PDE7B: variants seen among roughly 807,000 people sequenced by gnomAD.
PDE7B encodes the protein 3',5'-cyclic-AMP phosphodiesterase 7B.
In PDE7B, 29 loss-of-function variants were observed where a neutral mutation model predicts 56.2. That is an observed-to-expected ratio of 0.52 (90% CI 0.38 to 0.70). The LOEUF (loss-of-function observed/expected upper bound fraction) is 0.70. PDE7B is among the 30% of genes least tolerant of loss of function. PDE7B has a pLI of 0.00. For synonymous variants in PDE7B, 197 were observed against 196.9 expected (o/e 1.00, Z 0.00); for missense variants, 490 against 565.0 (o/e 0.87, Z 1.35).
intron 2 of PDE7B, among the ~76,000 whole-genome samples, chr6:136,039,161 T>C (rs943100700): frequency 2.6e-5 from 4 of 152,082 alleles, no homozygotes; most frequent in Non-Finnish European, 4.4e-5. Flanking sequence ...TGTCTTGTCA[T>C]AAGAATGTGC....
In PDE7B at chr6:136,194,096, C is replaced by G. The variant is rs1779274576; in HGVS notation, c.*2256C>G. The G allele has an allele frequency of 6.6e-6, 1 of 152,036 alleles. No homozygotes were observed. Among genetic ancestry groups the G allele is most frequent in the Non-Finnish European group, 1.5e-5 (1 of 68,028 alleles). 9.4% of individuals were successfully genotyped at this position (152,036 alleles called of 1,614,324 possible). A position where few individuals can be genotyped will look rare whatever the true frequency, so the allele number is the denominator to read the frequency against. On this transcript the variant is annotated 3_prime_UTR_variant, in exon 13 of 13. Coordinates refer to ENST00000308191, the MANE Select transcript of PDE7B (RefSeq NM_018945.4). ...GTCAGATGTATTCCTACTTCCAAAC[C>G]TGTCTTACTTTGGTTTGATGGTACA... is the stretch of plus-strand genomic sequence containing the variant.
chr6:135,943,867 TC>T (rs1185634640), intron 1 of PDE7B, among the ~76,000 whole-genome samples: 2 of 152,202 alleles, frequency 1.3e-5, no homozygotes, highest in Non-Finnish European at 2.9e-5. Flanking sequence ...ACACATGAAT[TC>T]ATATCCTCTG....
intron 2 of PDE7B, among the ~76,000 whole-genome samples, chr6:136,012,113 C>T (rs1236751356): frequency 6.6e-6 from 1 of 152,106 alleles, no homozygotes; most frequent in Non-Finnish European, 1.5e-5. Context: ...CTGCTTCCCT[C>T]CTGTCTCTCA....
In PDE7B at chr6:136,173,873, TG is replaced by T; in HGVS notation, c.789del (p.Leu263PhefsTer5). 1 of 1,611,532 alleles carries T rather than the reference TG, an allele frequency of 6.2e-7. No individual in the cohort carries two copies. The highest frequency in any genetic ancestry group is 8.5e-7 in the Non-Finnish European group (1 of 1,177,762). On this transcript the variant is annotated frameshift_variant, in exon 9 of 13. Transcript: ENST00000308191. LOFTEE classifies it high-confidence loss of function. ...CGAGAATCAAGGCTTCTTGCTCATT[TG>T]CCAAAGGAAATGACGTAAGTGCTGC... ...MLRESRLLAH[L>X]PKEMTQDIEQ...
intron 2 of PDE7B, chr6:136,038,006 G>C (rs1287536481): frequency 7.7e-7 from 1 of 1,291,444 alleles, no homozygotes; most frequent in Non-Finnish European, 1.0e-6. Flanking sequence ...AAGGAGTACA[G>C]TAACAGTTTC....
intron 1 of PDE7B, among the ~76,000 whole-genome samples, chr6:135,891,338 G>T (rs747464692): frequency 6.6e-6 from 1 of 152,180 alleles, no homozygotes; most frequent in Non-Finnish European, 1.5e-5. Context: ...GTTGATGACT[G>T]CATATAAAAT....
intron 2 of PDE7B, among the ~76,000 whole-genome samples, chr6:136,021,435 G>A (rs374216526): frequency 1.2e-3 from 184 of 151,974 alleles, no homozygotes; most frequent in African/African-American, 4.0e-3. Flanking sequence ...ACCTGAGGTC[G>A]GGAGTTCGAG....
At chr6:135,943,694 T>C (rs1248905438) in intron 1 of PDE7B, among the ~76,000 whole-genome samples, 2 of 152,156 alleles carry the variant, frequency 1.3e-5, no homozygotes, top group African/African-American at 2.4e-5. Context: ...TGGGCACAAA[T>C]GTTAGCAAGT....
At chr6:136,125,954 G>A (rs1050212225) in intron 3 of PDE7B, among the ~76,000 whole-genome samples, 2 of 152,068 alleles carry the variant, frequency 1.3e-5, no homozygotes, top group East Asian at 3.9e-4. Flanking sequence ...GAAATCTACA[G>A]CCTACTTATT....
chr6:135,892,903 A>G (rs903602843), intron 1 of PDE7B, among the ~76,000 whole-genome samples: 5 of 152,132 alleles, frequency 3.3e-5, no homozygotes, highest in African/African-American at 1.2e-4. Context: ...TTCCATGTTC[A>G]CTGTTGAACT....
intron 2 of PDE7B, among the ~76,000 whole-genome samples, chr6:136,005,717 G>A (rs866970836): frequency 2.6e-5 from 4 of 152,184 alleles, no homozygotes; most frequent in Non-Finnish European, 5.9e-5. Flanking sequence ...AGGTGCTGGA[G>A]AGGATGTGGA....
chr6:136,167,492 T>G (rs887945014), intron 8 of PDE7B, among the ~76,000 whole-genome samples: 1 of 152,150 alleles, frequency 6.6e-6, no homozygotes, highest in Non-Finnish European at 1.5e-5. Context: ...CCTGCTACCA[T>G]CCATGTAAGA....
intron 2 of PDE7B, 112 bp from the exon 3 acceptor site, chr6:136,108,619 G>A: frequency 1.3e-6 from 1 of 756,704 alleles, no homozygotes; most frequent in Non-Finnish European, 2.4e-6. Context: ...ATGGTGAATG[G>A]GAACCATTTT....
chr6:135,883,732 CAT>C (rs768273954), intron 1 of PDE7B, among the ~76,000 whole-genome samples: 2 of 152,188 alleles, frequency 1.3e-5, no homozygotes, highest in Non-Finnish European at 1.5e-5. Context: ...AGAGAGACCT[CAT>C]ATTTCCAGGT....
At chr6:136,144,387 A>G (rs1413179533) in intron 3 of PDE7B, among the ~76,000 whole-genome samples, 1 of 152,130 alleles carries the variant, frequency 6.6e-6, no homozygotes, top group African/African-American at 2.4e-5. Context: ...TTATCACTAA[A>G]TATTTCAGCA....
At chr6:135,869,148 T>TA (rs1300536348) in intron 1 of PDE7B, among the ~76,000 whole-genome samples, 2 of 152,178 alleles carry the variant, frequency 1.3e-5, no homozygotes, top group African/African-American at 4.8e-5. Flanking sequence ...TAATAGAATC[T>TA]AAAATTATAA....
chr6:136,136,861 A>C (rs1048233812), intron 3 of PDE7B, among the ~76,000 whole-genome samples: 1 of 152,102 alleles, frequency 6.6e-6, no homozygotes, highest in Non-Finnish European at 1.5e-5. Flanking sequence ...TGTATGTATA[A>C]GTTTTAGCAT....
chr6:135,902,092 G>A (rs767519239), intron 1 of PDE7B, among the ~76,000 whole-genome samples: 1 of 152,112 alleles, frequency 6.6e-6, no homozygotes, highest in African/African-American at 2.4e-5. Flanking sequence ...GGTTTACTTT[G>A]CAAATGTGGC....
chr6:135,927,910 C>G (rs1369126312), intron 1 of PDE7B, among the ~76,000 whole-genome samples: 2 of 152,066 alleles, frequency 1.3e-5, no homozygotes, highest in African/African-American at 4.8e-5. Context: ...GTCTAGTACC[C>G]AGAATCTGTA....
Sources: allele counts gnomAD v4.1 joint callset (sites outside exome capture counted in the v4.1 genomes callset), GRCh38; gene constraint gnomAD v4.1.1; transcripts MANE v1.5; gene names NCBI Gene and HGNC (gene_info 2026-07-23, HGNC 2026-07-21).